SERGEF: variants seen among roughly 807,000 people sequenced by gnomAD.
SERGEF encodes secretion-regulating guanine nucleotide exchange factor.
A neutral mutation model predicts 50.0 loss-of-function variants in SERGEF; 51 were observed. The observed-to-expected ratio is 1.02, with a 90% CI of 0.81 to 1.29. The LOEUF is 1.29. Among genes scored for constraint, SERGEF ranks in the 50% most tolerant of loss-of-function variants. The pLI, the probability that SERGEF is intolerant of heterozygous loss-of-function variation, is 0.00. For synonymous variants in SERGEF, 205 were observed against 212.4 expected (o/e 0.97, Z 0.30); for missense variants, 521 against 557.0 (o/e 0.94, Z 0.65).
chr11:17,800,682 G>C (rs982474026), intron 10 of SERGEF, among the ~76,000 whole-genome samples: 3 of 152,158 alleles, frequency 2.0e-5, no homozygotes, highest in African/African-American at 4.8e-5. Context: ...GATTTAGAAG[G>C]GCAGGTAGTT....
At chr11:17,988,971 G>A (rs547101920) in intron 7 of SERGEF, among the ~76,000 whole-genome samples, 21 of 152,178 alleles carry the variant, frequency 1.4e-4, no homozygotes, top group African/African-American at 4.3e-4. Flanking sequence ...AAGGCCAAAT[G>A]TTCTTAGTAG....
In SERGEF at chr11:17,846,721, A is replaced by G. The variant is rs1346759275; in HGVS notation, c.1048+31487T>C. On this transcript the variant is annotated intron_variant, in intron 10 of 10. Coordinates refer to ENST00000265965, the MANE Select transcript of SERGEF (RefSeq NM_012139.4). ...AATTTCTCTGCAACTCCATTTCCAC[A>G]TCAGCAAAACTGGGATAATAATACT... The G allele has an allele frequency of 1.1e-5, 5 of 456,140 alleles. No individual in the cohort carries two copies. In the East Asian group the frequency reaches 3.5e-4, roughly 32 times the overall value. 28.3% of individuals were successfully genotyped at this position (456,140 alleles called of 1,614,324 possible). A position where few individuals can be genotyped will look rare whatever the true frequency, so the allele number is the denominator to read the frequency against.
chr11:18,001,377 G>GA (rs1853958328), intron 4 of SERGEF, among the ~76,000 whole-genome samples: 1 of 152,104 alleles, frequency 6.6e-6, no homozygotes, highest in Non-Finnish European at 1.5e-5. Context: ...GAGTCTAGGC[G>GA]AAAAAAGGCA....
At chr11:17,957,926 T>G (rs1414811778) in intron 9 of SERGEF, among the ~76,000 whole-genome samples, 1 of 152,158 alleles carries the variant, frequency 6.6e-6, no homozygotes, top group Non-Finnish European at 1.5e-5. Context: ...ATAAATGCTA[T>G]TGGTACAACT....
chr11:17,958,908 C>A (rs1420211890), intron 9 of SERGEF, among the ~76,000 whole-genome samples: 1 of 152,062 alleles, frequency 6.6e-6, no homozygotes, highest in South Asian at 2.1e-4. Flanking sequence ...CCCCACCCCC[C>A]TCCAGGCTGG....
At chr11:17,993,909 T>C (rs901176456) in intron 6 of SERGEF, among the ~76,000 whole-genome samples, 1 of 152,172 alleles carries the variant, frequency 6.6e-6, no homozygotes, top group Non-Finnish European at 1.5e-5. Flanking sequence ...TCCATTCTAA[T>C]GTCTCATCAG....
chr11:18,012,731 C>T, intron 1 of SERGEF: 1 of 1,347,930 alleles, frequency 7.4e-7, no homozygotes, highest in Non-Finnish European at 9.9e-7. Flanking sequence ...GCCCTGACCC[C>T]GCCAGCCGGC....
chr11:17,901,913 T>C (rs994976655), intron 9 of SERGEF, among the ~76,000 whole-genome samples: 5 of 152,188 alleles, frequency 3.3e-5, no homozygotes, highest in Non-Finnish European at 7.3e-5. Flanking sequence ...TTCTTAGAGC[T>C]TCAGTTTCCA....
Position 17,884,055 on chromosome 11 carries a change from A to C in SERGEF, c.1012-5811T>G, listed in dbSNP as rs951959489. Among the ~76,000 whole-genome samples the C allele has an allele frequency of 1.3e-5, 2 of 152,198 alleles. No homozygotes were observed. Among genetic ancestry groups the C allele is most frequent in the African/African-American group, 4.8e-5 (2 of 41,456 alleles). On this transcript the variant is annotated intron_variant, in intron 9 of 10. Coordinates refer to ENST00000265965, the MANE Select transcript of SERGEF (RefSeq NM_012139.4). The surrounding 1 kb of genome is among the most constrained non-coding windows in gnomAD (Gnocchi z 4.6). ...GAGGCGAGGCCAGCCCCACGCCACC[A>C]GCCAGGGGCCGCTTTCCTCTACCAG... is the stretch of plus-strand genomic sequence containing the variant.
intron 9 of SERGEF, among the ~76,000 whole-genome samples, chr11:17,916,732 G>A (rs1429126442): frequency 2.6e-5 from 4 of 152,198 alleles, no homozygotes; most frequent in African/African-American, 9.7e-5. Flanking sequence ...TTCCAAGCCT[G>A]GTCTGATAAT....
intron 9 of SERGEF, among the ~76,000 whole-genome samples, chr11:17,948,577 G>A (rs890484698): frequency 1.3e-5 from 2 of 152,162 alleles, no homozygotes; most frequent in African/African-American, 2.4e-5. Context: ...TTTTTGAAGC[G>A]AGGGACTTTC....
intron 9 of SERGEF, among the ~76,000 whole-genome samples, chr11:17,919,254 G>A (rs1297754023): frequency 6.6e-6 from 1 of 152,182 alleles, no homozygotes; most frequent in Non-Finnish European, 1.5e-5. Flanking sequence ...GCAGCTGAGA[G>A]GTTATAAGCA....
At chr11:17,850,402 C>T (rs1038135311) in intron 10 of SERGEF, among the ~76,000 whole-genome samples, 10 of 152,178 alleles carry the variant, frequency 6.6e-5, no homozygotes, top group African/African-American at 2.2e-4. Context: ...CCAACACACA[C>T]GTACACATAC....
At chr11:17,890,639 T>A (rs559103367) in intron 9 of SERGEF, among the ~76,000 whole-genome samples, 7 of 152,258 alleles carry the variant, frequency 4.6e-5, no homozygotes, top group Admixed American at 1.3e-4. Flanking sequence ...CAGACTGGTC[T>A]CAAACCCCTG....
chr11:17,788,332 G>A lies in SERGEF; in HGVS notation c.1130C>T (p.Pro377Leu), dbSNP rs147331551. Reference protein sequence around the residue: ...GTEANVWAPKPVQALLSSSGL... With the variant: ...GTEANVWAPKLVQALLSSSGL... ...TGACGATGACAGCAGAGCCTGCACC[G>A]GCTTTGGGGCCCAGACGTTGGCTTC... is the stretch of plus-strand genomic sequence containing the variant. The change falls in exon 11 of 11, where the codon CCG becomes CTG. Residue 377 changes from proline to leucine, a missense_variant. Pro to Leu is a moderately conservative substitution (Grantham distance 98). Coordinates refer to ENST00000265965, the MANE Select transcript of SERGEF (RefSeq NM_012139.4). 310 of 1,614,144 alleles carry A rather than the reference G, an allele frequency of 1.9e-4. 2 individuals are homozygous for A. Among genetic ancestry groups the A allele is most frequent in the South Asian group, 8.7e-4 (79 of 91,084 alleles).
intron 9 of SERGEF, among the ~76,000 whole-genome samples, chr11:17,958,192 T>A (rs1431911393): frequency 6.6e-6 from 1 of 152,140 alleles, no homozygotes; most frequent in Non-Finnish European, 1.5e-5. Flanking sequence ...GCGTCCTACA[T>A]ACCCGGAAGG....
chr11:17,817,693 T>C (rs1030945748), intron 10 of SERGEF, among the ~76,000 whole-genome samples: 2 of 152,236 alleles, frequency 1.3e-5, no homozygotes, highest in African/African-American at 4.8e-5. Context: ...CTGTATCATT[T>C]AATCCAAATA....
chr11:17,845,758 CA>C (rs1481069860), intron 10 of SERGEF, among the ~76,000 whole-genome samples: 4 of 152,036 alleles, frequency 2.6e-5, no homozygotes, highest in African/African-American at 9.7e-5. Context: ...AGAGATTGAC[CA>C]ATACAATTCT....
intron 8 of SERGEF, among the ~76,000 whole-genome samples, chr11:17,960,533 T>C (rs1852976135): frequency 6.6e-6 from 1 of 152,240 alleles, no homozygotes; most frequent in Non-Finnish European, 1.5e-5. Context: ...TCTTTATACA[T>C]GTTTATTTTA....
Sources: allele counts gnomAD v4.1 joint callset (sites outside exome capture counted in the v4.1 genomes callset), GRCh38; gene constraint gnomAD v4.1.1; non-coding constraint Gnocchi (gnomAD v3.1); transcripts MANE v1.5; gene names NCBI Gene and HGNC (gene_info 2026-07-23, HGNC 2026-07-21).